Variants in CRPPA observed in about 807,000 individuals in gnomAD.
CRPPA encodes the protein D-ribitol-5-phosphate cytidylyltransferase.
CRPPA carries 43 observed loss-of-function variants against 52.0 expected under a neutral mutation model. The observed-to-expected ratio is 0.83, with a 90% CI of 0.65 to 1.07. The LOEUF is 1.07. CRPPA is among the 50% of genes least tolerant of loss of function. CRPPA has a pLI of 0.00. For synonymous variants in CRPPA, 250 were observed against 203.5 expected (o/e 1.23, Z -1.94); for missense variants, 629 against 551.7 (o/e 1.14, Z -1.40).
intron 8 of CRPPA, among the ~76,000 whole-genome samples, chr7:16,230,248 C>A (rs1270992530): frequency 6.6e-6 from 1 of 152,098 alleles, no homozygotes; most frequent in East Asian, 1.9e-4. Flanking sequence ...TTCTTTAATG[C>A]CTGTGACTCA....
At chr7:16,280,176 C>T (rs1210882095) in intron 5 of CRPPA, among the ~76,000 whole-genome samples, 1 of 152,192 alleles carries the variant, frequency 6.6e-6, no homozygotes, top group East Asian at 1.9e-4. Context: ...GGTGGGGACA[C>T]AGCCAAACCA....
At chr7:16,174,718 G>C (rs1435491050) in intron 9 of CRPPA, among the ~76,000 whole-genome samples, 1 of 151,876 alleles carries the variant, frequency 6.6e-6, no homozygotes, top group Non-Finnish European at 1.5e-5. Context: ...TTTCAAAGTA[G>C]CACATGGATA....
chr7:16,349,440 T>C (rs546027313), intron 3 of CRPPA, among the ~76,000 whole-genome samples: 1 of 152,234 alleles, frequency 6.6e-6, no homozygotes, highest in Admixed American at 6.5e-5. Context: ...CAGAACAAGA[T>C]AAATGTCTAG....
Position 16,187,969 on chromosome 7 carries a change from G to T in CRPPA, c.1251+28097C>A, listed in dbSNP as rs577122478. ...CAGGAAGAGTGTTTCAGGCTGTAAG[G>T]TGATCTAGTTTGTGGTCTTACATAA... On this transcript the variant is annotated intron_variant, in intron 9 of 9. Coordinates refer to ENST00000407010, the MANE Select transcript of CRPPA (RefSeq NM_001101426.4). Among the ~76,000 whole-genome samples, 7 of 152,078 alleles carry T rather than the reference G, an allele frequency of 4.6e-5. No individual in the cohort carries two copies. In the East Asian group the frequency reaches 1.4e-3, roughly 29 times the overall value.
At chr7:16,200,178 G>C (rs1316494488) in intron 9 of CRPPA, among the ~76,000 whole-genome samples, 3 of 152,132 alleles carry the variant, frequency 2.0e-5, no homozygotes, top group Non-Finnish European at 4.4e-5. Flanking sequence ...ACTTCTAAAA[G>C]TGACTTTGCT....
At position 16,421,217 on chromosome 7, in the gene CRPPA, C is replaced by A; in HGVS notation, c.106G>T (p.Ala36Ser). 7.4e-7 allele frequency: 1 copy of A among 1,342,392 alleles called. No individual in the cohort carries two copies. The allele number at this position is 1,342,392 out of a possible 1,614,324, so 83.2% of individuals were successfully genotyped here. A position where few individuals can be genotyped will look rare whatever the true frequency, so the allele number is the denominator to read the frequency against. Residue 36 changes from alanine to serine, a missense_variant, in exon 1 of 10, where the codon GCC (alanine) becomes TCC (serine). By Grantham distance (99) the Ala-to-Ser change is moderately conservative (BLOSUM62 1). Coordinates refer to ENST00000407010, the MANE Select transcript of CRPPA (RefSeq NM_001101426.4). ...GGGTGGCGCCCGGGCTCGGTCCCGG[C>A]CACGCTCTGCAGGGAGGCGGAAGCC... The part of the protein sequence containing the change: ...HTASASLQSV[A>S]GTEPGRHPQA...
chr7:16,160,570 T>G (rs1033599907), intron 9 of CRPPA, among the ~76,000 whole-genome samples: 1 of 152,188 alleles, frequency 6.6e-6, no homozygotes, highest in Non-Finnish European at 1.5e-5. Context: ...ACTGTAGCCT[T>G]GTAGTATAGA....
chr7:16,192,256 C>T (rs1445394579), intron 9 of CRPPA, among the ~76,000 whole-genome samples: 1 of 152,032 alleles, frequency 6.6e-6, no homozygotes, highest in African/African-American at 2.4e-5. Context: ...TGATAGTTCA[C>T]CCCTTAAGAA....
chr7:16,396,866 A>G (rs1380467735), intron 2 of CRPPA, among the ~76,000 whole-genome samples: 2 of 152,254 alleles, frequency 1.3e-5, no homozygotes, highest in Admixed American at 6.5e-5. Context: ...AAGATGACAC[A>G]TGACTGAAAG....
intron 9 of CRPPA, among the ~76,000 whole-genome samples, chr7:16,193,208 C>T (rs1781653151): frequency 6.6e-6 from 1 of 152,080 alleles, no homozygotes; most frequent in African/African-American, 2.4e-5. Context: ...TTTAATTCCT[C>T]TCAATGGTAT....
At chr7:16,297,528 A>C (rs796349611) in intron 5 of CRPPA, among the ~76,000 whole-genome samples, 8 of 152,264 alleles carry the variant, frequency 5.3e-5, no homozygotes, top group African/African-American at 1.4e-4. Flanking sequence ...AATTCAACTA[A>C]ATGTTAGGGG....
Position 16,091,375 on chromosome 7 carries a change from G to A in CRPPA, c.*320C>T, listed in dbSNP as rs1034799898. 13 of 198,408 alleles carry A rather than the reference G, an allele frequency of 6.6e-5. No homozygotes were observed. The highest frequency in any genetic ancestry group is 8.1e-5 in the Non-Finnish European group (8 of 99,240). The allele number at this position is 198,408 out of a possible 1,614,324, so 12.3% of individuals were successfully genotyped here. A position where few individuals can be genotyped will look rare whatever the true frequency, so the allele number is the denominator to read the frequency against. Reference sequence around the variant, plus strand: ...GAAGTTTTCTAAATTCTCATTCCTTGAAAGAATAGCTCACCCCATCATTAT... The same window carrying A: ...GAAGTTTTCTAAATTCTCATTCCTTAAAAGAATAGCTCACCCCATCATTAT... On this transcript the variant is annotated 3_prime_UTR_variant, in exon 10 of 10. Transcript: ENST00000407010.
intron 8 of CRPPA, among the ~76,000 whole-genome samples, chr7:16,226,240 A>G (rs1486883702): frequency 6.6e-6 from 1 of 151,994 alleles, no homozygotes; most frequent in Non-Finnish European, 1.5e-5. Context: ...ATTTATTCTG[A>G]ATTTGTCATT....
At chr7:16,327,737 G>A (rs998086184) in intron 3 of CRPPA, among the ~76,000 whole-genome samples, 1 of 151,852 alleles carries the variant, frequency 6.6e-6, no homozygotes, top group Non-Finnish European at 1.5e-5. Flanking sequence ...TTAAACTGTG[G>A]CTTTTATCTT....
At chr7:16,310,856 CT>C (rs138894887) in intron 3 of CRPPA, among the ~76,000 whole-genome samples, 4,946 of 152,124 alleles carry the variant, frequency 0.033, 257 homozygotes, top group African/African-American at 0.11. Flanking sequence ...AACAATACAA[CT>C]TAGAACAAAG....
intron 9 of CRPPA, among the ~76,000 whole-genome samples, chr7:16,172,051 G>A (rs1205767564): frequency 2.6e-5 from 4 of 152,064 alleles, no homozygotes; most frequent in East Asian, 3.9e-4. Context: ...CTCAGCTTAC[G>A]AAAGCACGCT....
intron 2 of CRPPA, among the ~76,000 whole-genome samples, chr7:16,396,906 G>A (rs1029636504): frequency 6.6e-6 from 1 of 152,234 alleles, no homozygotes; most frequent in Non-Finnish European, 1.5e-5. Flanking sequence ...ACACATGTGT[G>A]AAAGACAAAT....
chr7:16,092,455 T>G (rs1260787325), intron 9 of CRPPA, among the ~76,000 whole-genome samples: 1 of 152,170 alleles, frequency 6.6e-6, no homozygotes, highest in African/African-American at 2.4e-5. Context: ...ATCTCTAAAC[T>G]CCAGAATCAT....
At chr7:16,109,905 A>C (rs1417230271) in intron 9 of CRPPA, among the ~76,000 whole-genome samples, 1 of 152,066 alleles carries the variant, frequency 6.6e-6, no homozygotes, top group East Asian at 1.9e-4. Context: ...CAACATGCCC[A>C]CACTTACCAC....
Sources: allele counts gnomAD v4.1 joint callset (sites outside exome capture counted in the v4.1 genomes callset), GRCh38; gene constraint gnomAD v4.1.1; transcripts MANE v1.5; gene names NCBI Gene and HGNC (gene_info 2026-07-23, HGNC 2026-07-21).